Variants in GPRIN3 observed in about 807,000 individuals in gnomAD.
The protein encoded by GPRIN3 is G protein-regulated inducer of neurite outgrowth 3.
GPRIN3 carries 12 observed loss-of-function variants against 13.7 expected under a neutral mutation model. That is an observed-to-expected ratio of 0.87 (90% CI 0.56 to 1.42). The LOEUF is 1.42. Among genes scored for constraint, GPRIN3 ranks in the 40% most tolerant of loss-of-function variants. The probability of loss-of-function intolerance (pLI) is 0.00; values close to 1 mark genes in which losing one functional copy is unlikely to be tolerated. For missense variants in GPRIN3, 1,009 were observed against 958.7 expected (o/e 1.05, Z -0.69); for synonymous variants, 377 against 372.7 (o/e 1.01, Z -0.13).
intron 1 of GPRIN3, among the ~76,000 whole-genome samples, chr4:89,288,363 A>G (rs963110332): frequency 6.6e-6 from 1 of 152,230 alleles, no homozygotes; most frequent in Non-Finnish European, 1.5e-5. Context: ...TCACTCATTT[A>G]TAAGAAATTG....
At position 89,249,638 on chromosome 4, in the gene GPRIN3, G is replaced by C. The variant is rs1578072420; in HGVS notation, c.473C>G (p.Ser158Ter). The C allele has an allele frequency of 6.2e-7, 1 of 1,614,190 alleles. No homozygotes were observed. The highest frequency in any genetic ancestry group is 8.5e-7 in the Non-Finnish European group (1 of 1,180,018). The part of the protein sequence containing the change: ...SSMPEDSLMR[S>*]QRTSNREQPE... ...TTGCTCTCTATTTGAGGTTCTCTGT[G>C]ATCTCATCAGGGAATCTTCAGGCAT... The change falls in exon 2 of 2, where the codon TCA becomes TGA. Residue 158 changes from serine (S) to a stop codon, truncating the protein, a stop_gained. Coordinates refer to ENST00000609438, the MANE Select transcript of GPRIN3 (RefSeq NM_198281.3). LOFTEE classifies it low-confidence loss of function (END_TRUNC).
chr4:89,268,987 T>C (rs537123307), intron 1 of GPRIN3, among the ~76,000 whole-genome samples: 34 of 152,272 alleles, frequency 2.2e-4, no homozygotes, highest in African/African-American at 7.9e-4. Flanking sequence ...GAATAACAGC[T>C]GGAAGAAGAA....
intron 1 of GPRIN3, among the ~76,000 whole-genome samples, chr4:89,258,688 G>C (rs1306622078): frequency 6.6e-6 from 1 of 152,204 alleles, no homozygotes; most frequent in African/African-American, 2.4e-5. Flanking sequence ...TCACATGAGG[G>C]TCGTATGACC....
At chr4:89,277,335 C>T (rs1212622124) in intron 1 of GPRIN3, among the ~76,000 whole-genome samples, 1 of 152,120 alleles carries the variant, frequency 6.6e-6, no homozygotes, top group African/African-American at 2.4e-5. Flanking sequence ...AATGTCCGTC[C>T]CCAAGGAGGG....
intron 1 of GPRIN3, among the ~76,000 whole-genome samples, chr4:89,277,044 C>T (rs1410967702): frequency 5.3e-5 from 8 of 151,994 alleles, no homozygotes; most frequent in East Asian, 1.9e-4. Flanking sequence ...TTCTGATACA[C>T]GAGCTTCTCA....
intron 1 of GPRIN3, among the ~76,000 whole-genome samples, chr4:89,265,608 G>A (rs6532150): frequency 0.063 from 9,551 of 152,022 alleles, 427 homozygotes; most frequent in African/African-American, 0.11. Flanking sequence ...TTGACCTTGC[G>A]GACTACTATG....
intron 1 of GPRIN3, among the ~76,000 whole-genome samples, chr4:89,277,329 T>C (rs1724121859): frequency 6.6e-6 from 1 of 152,202 alleles, no homozygotes; most frequent in African/African-American, 2.4e-5. Flanking sequence ...GAGTGGAATG[T>C]CCGTCCCCAA....
chr4:89,266,596 G>A (rs1480342167), intron 1 of GPRIN3, among the ~76,000 whole-genome samples: 1 of 152,230 alleles, frequency 6.6e-6, no homozygotes, highest in Non-Finnish European at 1.5e-5. Flanking sequence ...TGCATTAAGG[G>A]TGAGTGAGAC....
At chr4:89,257,876 T>C (rs1205722576) in intron 1 of GPRIN3, among the ~76,000 whole-genome samples, 1 of 152,090 alleles carries the variant, frequency 6.6e-6, no homozygotes, top group East Asian at 1.9e-4. Context: ...TACAGAAATC[T>C]TCATAATGAT....
Position 89,247,950 on chromosome 4 carries a change from C to T in GPRIN3, c.2161G>A (p.Glu721Lys). Reference protein sequence around the residue: ...NHLQRQIREHEKLIKTQNSQT... With the variant: ...NHLQRQIREHKKLIKTQNSQT... ...CTATTTTGAGTTTTGATTAATTTCT[C>T]ATGTTCCCTGATTTGTCTTTGCAAA... Residue 721 changes from glutamate (E) to lysine (K), a missense_variant, in exon 2 of 2, where the codon GAG becomes AAG. Physicochemically the swap from Glu to Lys is moderately conservative, Grantham distance 56. Transcript: ENST00000609438. 10 of 1,614,146 alleles carry T rather than the reference C, an allele frequency of 6.2e-6. No individual in the cohort carries two copies. Among genetic ancestry groups the T allele is most frequent in the Non-Finnish European group, 8.5e-6 (10 of 1,180,004 alleles).
At chr4:89,305,168 A>G (rs951061430) in intron 1 of GPRIN3, among the ~76,000 whole-genome samples, 1 of 152,028 alleles carries the variant, frequency 6.6e-6, no homozygotes, top group Non-Finnish European at 1.5e-5. Flanking sequence ...ATGTACTCAC[A>G]CTGTTTTTCA....
In GPRIN3 at chr4:89,237,188, A is replaced by G. The variant is rs1273556189; in HGVS notation, c.*10592T>C. 1 of 152,208 alleles carries G rather than the reference A, an allele frequency of 6.6e-6. No individual in the cohort carries two copies. The highest frequency in any genetic ancestry group is 1.5e-5 in the Non-Finnish European group (1 of 68,040). The allele number at this position is 152,208 out of a possible 1,614,324, so 9.4% of individuals were successfully genotyped here. ...CATCCAGACAATTTGAATTTCAACTATGTTAGACCTCTGTGATATATTTAG... is the reference window on the plus strand; with the variant it reads ...CATCCAGACAATTTGAATTTCAACTGTGTTAGACCTCTGTGATATATTTAG... On this transcript the variant is annotated 3_prime_UTR_variant, in exon 2 of 2. Transcript: ENST00000609438.
At chr4:89,276,219 T>C (rs1282963127) in intron 1 of GPRIN3, among the ~76,000 whole-genome samples, 1 of 152,254 alleles carries the variant, frequency 6.6e-6, no homozygotes, top group Non-Finnish European at 1.5e-5. Flanking sequence ...CCAGATATCA[T>C]GTACAATTTT....
chr4:89,298,749 G>T (rs2110024189), intron 1 of GPRIN3, among the ~76,000 whole-genome samples: 1 of 151,960 alleles, frequency 6.6e-6, no homozygotes, highest in South Asian at 2.1e-4. Context: ...TTAAACCAGG[G>T]CCTTCTGCCA....
At chr4:89,298,666 T>C (rs1266108665) in intron 1 of GPRIN3, among the ~76,000 whole-genome samples, 1 of 151,480 alleles carries the variant, frequency 6.6e-6, no homozygotes, top group African/African-American at 2.4e-5. Context: ...TACATACATA[T>C]ATATATATGT....
At chr4:89,287,448 A>C (rs559539084) in intron 1 of GPRIN3, among the ~76,000 whole-genome samples, 48 of 152,310 alleles carry the variant, frequency 3.2e-4, no homozygotes, top group African/African-American at 1.2e-3. Context: ...CTAGCACAGG[A>C]TAAATATTCG....
Position 89,248,114 on chromosome 4 carries a change from T to C in GPRIN3, c.1997A>G (p.Gln666Arg), listed in dbSNP as rs1723163805. Reference protein sequence around the residue: ...VGLTPGDKKKQLGADSKLQLK... With the variant: ...VGLTPGDKKKRLGADSKLQLK... ...CTGGAGCTTGGAGTCTGCGCCAAGC[T>C]GCTTTTTCTTATCTCCTGGAGTGAG... The change falls in exon 2 of 2, where the codon CAG becomes CGG. Residue 666 changes from glutamine to arginine, a missense_variant. Transcript: ENST00000609438. 4.3e-6 allele frequency: 7 copies of C among 1,614,188 alleles called. No individual in the cohort carries two copies. The highest frequency in any genetic ancestry group is 5.9e-6 in the Non-Finnish European group (7 of 1,180,028).
intron 1 of GPRIN3, among the ~76,000 whole-genome samples, chr4:89,258,452 T>A (rs1000056484): frequency 6.6e-6 from 1 of 152,132 alleles, no homozygotes; most frequent in Non-Finnish European, 1.5e-5. Context: ...CCTGACCTCG[T>A]GATCCACTCC....
Position 89,247,767 on chromosome 4 carries a change from T to C in GPRIN3, c.*13A>G. 1 of 1,591,324 alleles carries C rather than the reference T, an allele frequency of 6.3e-7. No individual in the cohort carries two copies. Among genetic ancestry groups the C allele is most frequent in the Non-Finnish European group, 8.6e-7 (1 of 1,166,594 alleles). ...CCGTAAATTTATACACAAACTCCCA[T>C]AAATACTCCCTTTCAATCTAACACA... is the stretch of plus-strand genomic sequence containing the variant. On this transcript the variant is annotated 3_prime_UTR_variant, in exon 2 of 2. Coordinates refer to ENST00000609438, the MANE Select transcript of GPRIN3 (RefSeq NM_198281.3).
Sources: gnomAD v4.1 joint callset for allele counts (sites outside exome capture counted in the v4.1 genomes callset) on GRCh38, gnomAD v4.1.1 for gene constraint, MANE v1.5 for transcripts, NCBI Gene and HGNC (gene_info 2026-07-23, HGNC 2026-07-21) for gene names.